SIRPA: variants seen among roughly 807,000 people sequenced by gnomAD.
SIRPA encodes signal regulatory protein alpha, also known as tyrosine-protein phosphatase non-receptor type substrate 1.
SIRPA carries 9 observed loss-of-function variants against 50.3 expected under a neutral mutation model. The ratio of observed to expected loss-of-function variants is 0.18; its 90% CI spans 0.11 to 0.31. SIRPA has a LOEUF of 0.31. Ranked by LOEUF, SIRPA falls within the 10% of genes least tolerant of loss-of-function variation. The probability of loss-of-function intolerance (pLI) is 1.00; values close to 1 mark genes in which losing one functional copy is unlikely to be tolerated. For missense variants in SIRPA, 474 were observed against 661.6 expected (o/e 0.72, Z 3.11); for synonymous variants, 265 against 284.1 (o/e 0.93, Z 0.68).
chr20:1,922,922 C>T (rs1025332006), intron 4 of SIRPA, among the ~76,000 whole-genome samples: 1 of 152,124 alleles, frequency 6.6e-6, no homozygotes, highest in Non-Finnish European at 1.5e-5. Context: ...TGGTGTCCTG[C>T]CTCTTGCCTT....
chr20:1,922,054 T>A (rs966579510), intron 3 of SIRPA, among the ~76,000 whole-genome samples: 1 of 152,224 alleles, frequency 6.6e-6, no homozygotes, highest in Non-Finnish European at 1.5e-5. Flanking sequence ...TCCAACTGCA[T>A]GCCAGGGGTG....
rs1761286040 is a variant in SIRPA, at chr20:1,898,862, G to A, written c.79+3336G>A. On this transcript the variant is annotated intron_variant, in intron 1 of 7. Transcript: ENST00000358771. The surrounding 1 kb of genome is among the most constrained non-coding windows in gnomAD (Gnocchi z 4.3). ...TCACCAGTAACAACACATGAGAGGT[G>A]ATGTGGCTCCTGTGAGAGCCCCCCA... Among the ~76,000 whole-genome samples the A allele has an allele frequency of 6.6e-6, 1 of 152,114 alleles. No homozygotes were observed. The highest frequency in any genetic ancestry group is 1.5e-5 in the Non-Finnish European group (1 of 68,028).
chr20:1,895,092 CTCTCCCCCTCTT>C (rs952438021), upstream of SIRPA, among the ~76,000 whole-genome samples: 6 of 151,308 alleles, frequency 4.0e-5, no homozygotes, highest in Admixed American at 2.0e-4. Flanking sequence ...TCGCTCCTCG[CTCTCCCCCTCTT>C]TCTCCCCCTC....
intron 7 of SIRPA, among the ~76,000 whole-genome samples, chr20:1,935,696 A>G (rs898552673): frequency 7.2e-5 from 11 of 152,246 alleles, no homozygotes; most frequent in Non-Finnish European, 1.6e-4. Flanking sequence ...GGTGAGAAGA[A>G]TGGGTCATGG....
chr20:1,924,921 C>G lies in SIRPA; in HGVS notation c.1201+44C>G. On this transcript the variant is annotated intron_variant, in intron 5 of 7. Transcript: ENST00000358771. This position sits in a 1 kb window ranked among gnomAD's most constrained non-coding sequence, Gnocchi z 4.5. ...TCCTCCCTAAGGGTTTGTCCCTGGA[C>G]TGTCCTCGGAGGGAGACGCCATTAG... 1.3e-6 allele frequency: 2 copies of G among 1,515,842 alleles called. No individual in the cohort carries two copies. Among genetic ancestry groups the G allele is most frequent in the Non-Finnish European group, 1.8e-6 (2 of 1,091,530 alleles). The allele number at this position is 1,515,842 out of a possible 1,614,324, so 93.9% of individuals were successfully genotyped here. A position where few individuals can be genotyped will look rare whatever the true frequency, so the allele number is the denominator to read the frequency against.
intron 4 of SIRPA, among the ~76,000 whole-genome samples, chr20:1,923,596 T>C (rs1985794783): frequency 6.6e-6 from 1 of 152,200 alleles, no homozygotes; most frequent in African/African-American, 2.4e-5. Context: ...CTAGGACGTG[T>C]AGGGCATCGG....
At chr20:1,900,514 T>C (rs2122975353) in intron 1 of SIRPA, among the ~76,000 whole-genome samples, 1 of 152,330 alleles carries the variant, frequency 6.6e-6, no homozygotes, top group East Asian at 1.9e-4. Flanking sequence ...TAGGTGTCTC[T>C]ATCTGGATCC....
intron 1 of SIRPA, among the ~76,000 whole-genome samples, chr20:1,904,827 A>G (rs1984451254): frequency 6.6e-6 from 1 of 151,884 alleles, no homozygotes; most frequent in African/African-American, 2.4e-5. Flanking sequence ...TCCAGCCTGC[A>G]TGTCCTCCTG....
intron 4 of SIRPA, among the ~76,000 whole-genome samples, 192 bp downstream of exon 4, chr20:1,922,837 G>A (rs889697483): frequency 6.6e-6 from 1 of 152,200 alleles, no homozygotes. Flanking sequence ...AGAGTTTGAT[G>A]CACATCTTGA....
chr20:1,913,366 G>A (rs796860673), intron 1 of SIRPA, among the ~76,000 whole-genome samples: 4 of 152,314 alleles, frequency 2.6e-5, no homozygotes, highest in African/African-American at 9.6e-5. Flanking sequence ...ATAGGGGTCT[G>A]TGAGCCTCTT....
At chr20:1,904,868 T>C (rs1984453314) in intron 1 of SIRPA, among the ~76,000 whole-genome samples, 3 of 152,078 alleles carry the variant, frequency 2.0e-5, no homozygotes, top group Admixed American at 2.0e-4. Flanking sequence ...CACAGACTCC[T>C]CTGGGAGGAG....
rs1307115722 is a variant in SIRPA at position 1,922,594 on chromosome 20, G to A, written c.1036G>A (p.Asp346Asn). ...DGQPAVSKSH[D>N]LKVSAHPKEQ... Reference sequence around the variant, plus strand: ...GCAGCCAGCGGTCAGCAAAAGCCATGACCTGAAGGTCTCAGCCCACCCGAA... The same window carrying A: ...GCAGCCAGCGGTCAGCAAAAGCCATAACCTGAAGGTCTCAGCCCACCCGAA... Residue 346 changes from aspartate to asparagine, a missense_variant, in exon 4 of 8, where the codon GAC becomes AAC. Coordinates refer to ENST00000358771, the MANE Select transcript of SIRPA (RefSeq NM_001040023.2). The A allele has an allele frequency of 2.5e-6, 4 of 1,613,920 alleles. No homozygotes were observed. Among genetic ancestry groups the A allele is most frequent in the Middle Eastern group, 1.6e-4 (1 of 6,082 alleles).
chr20:1,917,735 G>T (rs1457883882), intron 2 of SIRPA, among the ~76,000 whole-genome samples: 1 of 152,164 alleles, frequency 6.6e-6, no homozygotes, highest in African/African-American at 2.4e-5. Context: ...CGGTGCTGAG[G>T]ACTAAGGATG....
At position 1,934,622 on chromosome 20, in the gene SIRPA, T is replaced by G; in HGVS notation, c.1227-93T>G. 8.0e-7 allele frequency: 1 copy of G among 1,256,598 alleles called. No individual in the cohort carries two copies. The highest frequency in any genetic ancestry group is 2.3e-5 in the East Asian group (1 of 43,076). The allele number at this position is 1,256,598 out of a possible 1,614,324, so 77.8% of individuals were successfully genotyped here. On this transcript the variant is annotated intron_variant, in intron 6 of 7. Transcript: ENST00000358771. The surrounding 1 kb of genome is among the most constrained non-coding windows in gnomAD (Gnocchi z 4.6). ...CCTTCGTTCATGTCCTCAACCCATA[T>G]AGAAAATGGAGCCTAAATGTTATTC...
At chr20:1,931,441 T>C (rs1473007085) in intron 6 of SIRPA, among the ~76,000 whole-genome samples, 1 of 152,188 alleles carries the variant, frequency 6.6e-6, no homozygotes, top group African/African-American at 2.4e-5. Context: ...CTTCTTGCTG[T>C]CTATTTCTTC....
Position 1,934,832 on chromosome 20 carries a change from G to A in SIRPA, c.1266+78G>A. ...TCACATCAACCGGAATTGCAGATCT[G>A]GTTCTAAATTAAGACTCCTTGTGGG... On this transcript the variant is annotated intron_variant, in intron 7 of 7. Coordinates refer to ENST00000358771, the MANE Select transcript of SIRPA (RefSeq NM_001040023.2). The surrounding 1 kb of genome is among the most constrained non-coding windows in gnomAD (Gnocchi z 4.6). The A allele has an allele frequency of 4.0e-6, 6 of 1,514,938 alleles. No individual in the cohort carries two copies. The highest frequency in any genetic ancestry group is 1.7e-4 in the Middle Eastern group (1 of 5,898). 93.8% of individuals were successfully genotyped at this position (1,514,938 alleles called of 1,614,324 possible).
chr20:1,925,337 C>T (rs1478851348), intron 5 of SIRPA, among the ~76,000 whole-genome samples: 1 of 152,208 alleles, frequency 6.6e-6, no homozygotes. Flanking sequence ...CAAGTGATTG[C>T]ATGGGAAATG....
chr20:1,903,011 CAAAAAAAA>C (rs58735842), intron 1 of SIRPA, among the ~76,000 whole-genome samples: 3 of 90,886 alleles, frequency 3.3e-5, no homozygotes, highest in Non-Finnish European at 4.4e-5. Context: ...GACTCTGTCT[CAAAAAAAA>C]AAAAAAAAAA....
chr20:1,909,292 G>A (rs1240077729), intron 1 of SIRPA, among the ~76,000 whole-genome samples: 1 of 152,184 alleles, frequency 6.6e-6, no homozygotes, highest in Non-Finnish European at 1.5e-5. Context: ...TGCTTCCGGG[G>A]GATGGGCAAG....
Sources: gnomAD v4.1 joint callset for allele counts (sites outside exome capture counted in the v4.1 genomes callset) on GRCh38, gnomAD v4.1.1 for gene constraint, Gnocchi (gnomAD v3.1) non-coding constraint, MANE v1.5 for transcripts, NCBI Gene and HGNC (gene_info 2026-07-23, HGNC 2026-07-21) for gene names.